The following C4orf50 variants were observed in gnomAD, a reference collection of about 807,000 sequenced individuals.
The protein encoded by C4orf50 is uncharacterized protein C4orf50.
In C4orf50, 80 loss-of-function variants were observed where a neutral mutation model predicts 77.2. The ratio of observed to expected loss-of-function variants is 1.04; its 90% CI spans 0.87 to 1.25. The LOEUF is 1.25. C4orf50 is among the 50% of genes most tolerant of loss of function. The pLI is 0.00. For missense variants in C4orf50, 1,257 were observed against 1,152.9 expected (o/e 1.09, Z -1.31); for synonymous variants, 532 against 465.3 (o/e 1.14, Z -1.84).
In C4orf50 at chr4:6,011,035, G is replaced by A. The variant is rs542290690; in HGVS notation, c.426+795C>T. Reference sequence around the variant, plus strand: ...TATCGAGTGGCAGAGCCAGGGTTTGGCTCCAGGCCTCTGCCTCCAGAGCCC... The same window carrying A: ...TATCGAGTGGCAGAGCCAGGGTTTGACTCCAGGCCTCTGCCTCCAGAGCCC... On this transcript the variant is annotated intron_variant, in intron 24 of 33. Coordinates refer to ENST00000531445, the Ensembl canonical transcript of C4orf50. This position sits in a 1 kb window ranked among gnomAD's most constrained non-coding sequence, Gnocchi z 4.2. 5.3e-5 allele frequency among the ~76,000 whole-genome samples: 8 copies of A among 152,248 alleles called. No individual in the cohort carries two copies. Among genetic ancestry groups the A allele is most frequent in the African/African-American group, 1.7e-4 (7 of 41,532 alleles).
chr4:5,904,653 AG>A (rs1316656599), intron 7 of C4orf50: 1 of 152,206 alleles, frequency 6.6e-6, no homozygotes, highest in Non-Finnish European at 1.5e-5. Context: ...TGCCGAGACT[AG>A]GGGTGCTTGG....
At position 5,967,409 on chromosome 4, in the gene C4orf50, C is replaced by G; in HGVS notation, c.4153+5G>C. ...AGGCTTTTCCTGATCAAAAATCACA[C>G]TGACCTCTTAAAGCTGCCGTCATCT... On this transcript the variant is annotated splice_donor_5th_base_variant and intron_variant, in intron 32 of 33. Transcript: ENST00000531445. 1 of 1,612,742 alleles carries G rather than the reference C, an allele frequency of 6.2e-7. No individual in the cohort carries two copies. The highest frequency in any genetic ancestry group is 8.5e-7 in the Non-Finnish European group (1 of 1,178,740).
At chr4:5,983,087 G>A (rs573870669) in intron 28 of C4orf50, among the ~76,000 whole-genome samples, 8 of 152,248 alleles carry the variant, frequency 5.3e-5, no homozygotes, top group African/African-American at 1.7e-4. Context: ...ACCAAGTCCC[G>A]TGGACTCCAG....
At chr4:5,960,337 G>T (rs1457683086) in intron 33 of C4orf50, among the ~76,000 whole-genome samples, 2 of 152,172 alleles carry the variant, frequency 1.3e-5, no homozygotes, top group African/African-American at 4.8e-5. Context: ...GCCTCACCAG[G>T]TAACATGTGA....
chr4:5,907,670 G>A (rs1158050110), intron 7 of C4orf50, among the ~76,000 whole-genome samples: 1 of 152,146 alleles, frequency 6.6e-6, no homozygotes, highest in Non-Finnish European at 1.5e-5. Flanking sequence ...ATGGGGGCTG[G>A]GGGAAGAGGT....
intron 25 of C4orf50, among the ~76,000 whole-genome samples, chr4:6,006,122 G>C (rs190747074): frequency 5.4e-4 from 82 of 152,206 alleles, no homozygotes; most frequent in African/African-American, 1.9e-3. Flanking sequence ...GTACAACAGC[G>C]AGAATAGGAG....
rs554586700 is a variant in C4orf50, at chr4:6,008,158, G to A, written c.801C>T (p.Thr267=). 255 of 398,792 alleles carry A rather than the reference G, an allele frequency of 6.4e-4. No homozygotes were observed. Among genetic ancestry groups the A allele is most frequent in the African/African-American group, 4.8e-3 (235 of 48,738 alleles). 24.7% of individuals were successfully genotyped at this position (398,792 alleles called of 1,614,324 possible). The change falls in exon 25 of 34, where the codon ACC becomes ACT. Residue 267 remains threonine (T), a synonymous_variant. Transcript: ENST00000531445. This position sits in a 1 kb window ranked among gnomAD's most constrained non-coding sequence, Gnocchi z 6.0. ...CCAGCTGCCCGCGGAGCTGGCGCTC[G>A]GTGGCCCGGTGCTCCTGCAGGCTGC...
intron 7 of C4orf50, chr4:5,904,285 T>G (rs1183928642): frequency 6.6e-6 from 1 of 152,254 alleles, no homozygotes; most frequent in Non-Finnish European, 1.5e-5. Flanking sequence ...GGAAGCAGAC[T>G]CCCTGGGTCC....
exon 28 of C4orf50, chr4:5,989,386 C>T: frequency 6.5e-7 from 1 of 1,536,086 alleles, no homozygotes; most frequent in Non-Finnish European, 8.7e-7. Flanking sequence ...TTCGCTGGTG[C>T]CCAGGGCCGT....
At chr4:5,994,247 C>G in intron 26 of C4orf50, 100 bp downstream of exon 4, 1 of 397,526 alleles carries the variant, frequency 2.5e-6, no homozygotes, top group Non-Finnish European at 4.4e-6. Context: ...GGACCACCCC[C>G]TCTCCCTGCG....
intron 7 of C4orf50, among the ~76,000 whole-genome samples, chr4:5,924,704 C>A (rs1315717877): frequency 6.6e-6 from 1 of 152,214 alleles, no homozygotes; most frequent in Non-Finnish European, 1.5e-5. Flanking sequence ...GGGCTGGGAA[C>A]TGAGATCAAG....
At chr4:5,993,069 C>T (rs1402053306) in intron 26 of C4orf50, 139 bp from the exon 5 acceptor site, 1 of 396,578 alleles carries the variant, frequency 2.5e-6, no homozygotes, top group Non-Finnish European at 4.4e-6. Context: ...CAAGGGCAGC[C>T]TGATGACCAC....
chr4:5,999,382 C>A (rs1337335704), intron 25 of C4orf50, among the ~76,000 whole-genome samples: 1 of 152,152 alleles, frequency 6.6e-6, no homozygotes, highest in East Asian at 1.9e-4. Flanking sequence ...TTGTGGGGAA[C>A]GCAACACATT....
chr4:5,939,168 G>T (rs1334319184), intron 7 of C4orf50, among the ~76,000 whole-genome samples: 3 of 152,058 alleles, frequency 2.0e-5, no homozygotes, highest in East Asian at 3.9e-4. Context: ...GCTTGAACCT[G>T]GGAGGCAGAG....
At position 6,008,193 on chromosome 4, in the gene C4orf50, C is replaced by A. The variant is rs1722328029; in HGVS notation, c.766G>T (p.Glu256Ter). 7.5e-6 allele frequency: 3 copies of A among 398,024 alleles called. No homozygotes were observed. Among genetic ancestry groups the A allele is most frequent in the African/African-American group, 2.1e-5 (1 of 48,596 alleles). 24.7% of individuals were successfully genotyped at this position (398,024 alleles called of 1,614,324 possible). A position where few individuals can be genotyped will look rare whatever the true frequency, so the allele number is the denominator to read the frequency against. The change falls in exon 25 of 34, where the codon GAG becomes TAG. Residue 256 changes from glutamate (E) to a stop codon, truncating the protein, a stop_gained. Coordinates refer to ENST00000531445, the Ensembl canonical transcript of C4orf50. LOFTEE classifies it high-confidence loss of function. This position sits in a 1 kb window ranked among gnomAD's most constrained non-coding sequence, Gnocchi z 6.0. ...TGCTCCTGCAGGCTGCGCGCCGCCT[C>A]TTCCCGCTCGCGCTCGCTGCGCTCT...
chr4:5,972,193 C>T lies in C4orf50; in HGVS notation c.4104+1466G>A, dbSNP rs565817965. Among the ~76,000 whole-genome samples, 25 of 152,010 alleles carry T rather than the reference C, an allele frequency of 1.6e-4. No homozygotes were observed. The East Asian group carries it at 1.7e-3, about 11-fold the overall frequency. The stretch of plus-strand genomic sequence containing the variant: ...CTAATTTTTGTATTTTTAGTAGAGA[C>T]GGGGTTTCACCATGTTGGCCAGCAT... On this transcript the variant is annotated intron_variant, in intron 31 of 33. Transcript: ENST00000531445.
exon 28 of C4orf50, chr4:5,989,608 C>A: frequency 5.9e-6 from 9 of 1,536,146 alleles, no homozygotes; most frequent in Non-Finnish European, 7.8e-6. Flanking sequence ...CTGCTGGAAA[C>A]AAGCCTCCAC....
intron 23 of C4orf50, among the ~76,000 whole-genome samples, chr4:6,014,074 C>G (rs187871874): frequency 6.6e-6 from 1 of 151,020 alleles, no homozygotes; most frequent in Non-Finnish European, 1.5e-5. Flanking sequence ...GTGATCTCGG[C>G]TCACCACAAC....
At chr4:5,923,573 G>A (rs182145423) in intron 7 of C4orf50, among the ~76,000 whole-genome samples, 5 of 152,114 alleles carry the variant, frequency 3.3e-5, no homozygotes, top group Admixed American at 6.5e-5. Context: ...AGGGCTGGGC[G>A]AGGGATCGGG....
Sources: gnomAD v4.1 joint callset for allele counts (sites outside exome capture counted in the v4.1 genomes callset) on GRCh38, gnomAD v4.1.1 for gene constraint, Gnocchi (gnomAD v3.1) non-coding constraint, MANE v1.5 for transcripts, NCBI Gene and HGNC (gene_info 2026-07-23, HGNC 2026-07-21) for gene names.